Variants in ITPR2 observed in about 807,000 individuals in gnomAD.
ITPR2 encodes the protein inositol 1,4,5-trisphosphate receptor type 2, also known as inositol 1,4,5-trisphosphate-gated calcium channel ITPR2.
ITPR2 carries 207 observed loss-of-function variants against 317.1 expected under a neutral mutation model. The observed-to-expected ratio is 0.65, with a 90% CI of 0.58 to 0.73. ITPR2 has a LOEUF of 0.73. Ranked by LOEUF, ITPR2 falls within the 30% of genes least tolerant of loss-of-function variation. The pLI, the probability that ITPR2 is intolerant of heterozygous loss-of-function variation, is 0.00. For missense variants in ITPR2, 2,613 were observed against 3,284.0 expected (o/e 0.80, Z 4.99); for synonymous variants, 1,156 against 1,149.1 (o/e 1.01, Z -0.12).
chr12:26,515,915 G>C (rs932551791), intron 37 of ITPR2, among the ~76,000 whole-genome samples: 1 of 150,722 alleles, frequency 6.6e-6, no homozygotes. Flanking sequence ...TTCAAGACCA[G>C]CCTGAGCAAC....
chr12:26,598,998 G>A, intron 30 of ITPR2, 147 bp downstream of exon 30: 2 of 663,896 alleles, frequency 3.0e-6, no homozygotes, highest in South Asian at 2.3e-5. Context: ...CTAAATTAAA[G>A]CAAAATATAT....
intron 35 of ITPR2, among the ~76,000 whole-genome samples, chr12:26,560,679 C>T (rs1045821294): frequency 6.6e-6 from 1 of 152,182 alleles, no homozygotes; most frequent in Non-Finnish European, 1.5e-5. Context: ...CCTCTAGTCT[C>T]TTTTAGATAA....
intron 37 of ITPR2, among the ~76,000 whole-genome samples, chr12:26,527,842 G>A (rs1943847136): frequency 6.6e-6 from 1 of 152,184 alleles, no homozygotes; most frequent in African/African-American, 2.4e-5. Flanking sequence ...ATGGAGAAAG[G>A]TCAATAGGGA....
intron 32 of ITPR2, among the ~76,000 whole-genome samples, chr12:26,580,687 T>C (rs568827432): frequency 3.3e-5 from 5 of 152,294 alleles, no homozygotes; most frequent in African/African-American, 1.2e-4. Flanking sequence ...GATGTTATCA[T>C]CCATGGATTA....
intron 48 of ITPR2, among the ~76,000 whole-genome samples, chr12:26,435,436 TTAG>T (rs1565525126): frequency 3.3e-5 from 5 of 152,196 alleles, no homozygotes; most frequent in Non-Finnish European, 7.3e-5. Context: ...ATGGTTATTA[TTAG>T]CTGATTTCTC....
chr12:26,660,885 C>T (rs1947480460), intron 15 of ITPR2, among the ~76,000 whole-genome samples: 1 of 151,470 alleles, frequency 6.6e-6, no homozygotes, highest in Non-Finnish European at 1.5e-5. Flanking sequence ...AAATGAACTT[C>T]CTATTAGGAC....
intron 55 of ITPR2, among the ~76,000 whole-genome samples, chr12:26,372,504 G>C (rs186402896): frequency 6.6e-6 from 1 of 152,202 alleles, no homozygotes; most frequent in Non-Finnish European, 1.5e-5. Context: ...GAGGTTAAAT[G>C]CCTGCCCAAG....
chr12:26,516,459 G>C lies in ITPR2; in HGVS notation c.5074-21199C>G, dbSNP rs183057040. On this transcript the variant is annotated intron_variant, in intron 37 of 56. Coordinates refer to ENST00000381340, the MANE Select transcript of ITPR2 (RefSeq NM_002223.4). ...CTTTGTGATAGCAGAAAAGAAAAGG[G>C]CTTTGGGGTCTTCAAAGACTTCCCA... Among the ~76,000 whole-genome samples, 60 of 152,084 alleles carry C rather than the reference G, an allele frequency of 3.9e-4. No individual in the cohort carries two copies. In the East Asian group the frequency reaches 0.01, roughly 25 times the overall value.
At position 26,595,628 on chromosome 12, in the gene ITPR2, T is replaced by C. The variant is rs1338454137; in HGVS notation, c.4255-38A>G. 1.6e-5 allele frequency: 24 copies of C among 1,489,438 alleles called. No homozygotes were observed. The Admixed American group carries it at 2.2e-4, about 14-fold the overall frequency. The allele number at this position is 1,489,438 out of a possible 1,614,324, so 92.3% of individuals were successfully genotyped here. A position where few individuals can be genotyped will look rare whatever the true frequency, so the allele number is the denominator to read the frequency against. ...CAAATACAAAAGAAAGTTAGTTTTC[T>C]TTATTGATGACTTTCAAATATCAAT... On this transcript the variant is annotated intron_variant, in intron 31 of 56. Coordinates refer to ENST00000381340, the MANE Select transcript of ITPR2 (RefSeq NM_002223.4).
intron 46 of ITPR2, among the ~76,000 whole-genome samples, chr12:26,442,611 T>C (rs1351149876): frequency 6.6e-6 from 1 of 152,166 alleles, no homozygotes; most frequent in East Asian, 1.9e-4. Context: ...TTTCTATTTG[T>C]ATAGAAATGT....
chr12:26,407,334 T>C (rs1306009462), intron 52 of ITPR2, among the ~76,000 whole-genome samples: 2 of 152,206 alleles, frequency 1.3e-5, no homozygotes, highest in African/African-American at 4.8e-5. Context: ...ACATTATTAA[T>C]ATTTTGGGCT....
intron 55 of ITPR2, among the ~76,000 whole-genome samples, chr12:26,383,453 T>A (rs1036421875): frequency 3.3e-5 from 5 of 151,276 alleles, no homozygotes; most frequent in African/African-American, 1.2e-4. Flanking sequence ...TTCCCAGAAC[T>A]TATTCTATGT....
chr12:26,612,973 T>C (rs1334820048), intron 26 of ITPR2, among the ~76,000 whole-genome samples: 1 of 152,238 alleles, frequency 6.6e-6, no homozygotes, highest in Non-Finnish European at 1.5e-5. Flanking sequence ...AGGCCCACGC[T>C]GGCCTCTCCT....
chr12:26,768,258 C>T (rs150953482), intron 2 of ITPR2, among the ~76,000 whole-genome samples: 3,620 of 98,274 alleles, frequency 0.037, 55 homozygotes, highest in African/African-American at 0.074. Flanking sequence ...ACTCTGGGGA[C>T]GGTGGTGGGG....
intron 45 of ITPR2, among the ~76,000 whole-genome samples, chr12:26,460,378 G>C (rs1356306407): frequency 1.3e-5 from 2 of 152,188 alleles, no homozygotes; most frequent in East Asian, 3.8e-4. Context: ...GTTTGTTTTG[G>C]TGCAAGCTAT....
intron 37 of ITPR2, among the ~76,000 whole-genome samples, chr12:26,539,841 T>C (rs988544616): frequency 6.6e-6 from 1 of 152,206 alleles, no homozygotes; most frequent in Non-Finnish European, 1.5e-5. Context: ...ATGCAAAGTA[T>C]AACATGACAT....
Position 26,827,577 on chromosome 12 carries a change from T to C in ITPR2, c.92+5113A>G, listed in dbSNP as rs1951026943. Among the ~76,000 whole-genome samples the C allele has an allele frequency of 1.3e-5, 2 of 152,344 alleles. 1 individual carries two copies. Among genetic ancestry groups the C allele is most frequent in the South Asian group, 4.1e-4 (2 of 4,830 alleles). Reference sequence around the variant, plus strand: ...TCCAGCTGAAAAATTCATTACCTTATGGCAGAAATTCCCAGCAACTACACA... The same window carrying C: ...TCCAGCTGAAAAATTCATTACCTTACGGCAGAAATTCCCAGCAACTACACA... On this transcript the variant is annotated intron_variant, in intron 1 of 56. Transcript: ENST00000381340.
intron 45 of ITPR2, among the ~76,000 whole-genome samples, chr12:26,469,195 T>A (rs1253324221): frequency 6.6e-6 from 1 of 152,212 alleles, no homozygotes; most frequent in Non-Finnish European, 1.5e-5. Context: ...GCATTTTTAG[T>A]CATCTTTCCA....
At chr12:26,672,408 A>G (rs1000168938) in intron 13 of ITPR2, among the ~76,000 whole-genome samples, 61 of 152,082 alleles carry the variant, frequency 4.0e-4, no homozygotes, top group Admixed American at 2.6e-4. Context: ...ACTCAAAACC[A>G]CTCAACTACA....
Sources: gnomAD v4.1 joint callset for allele counts (sites outside exome capture counted in the v4.1 genomes callset) on GRCh38, gnomAD v4.1.1 for gene constraint, MANE v1.5 for transcripts, NCBI Gene and HGNC (gene_info 2026-07-23, HGNC 2026-07-21) for gene names.